The following OOSP3 variants were observed in gnomAD, a reference collection of about 807,000 sequenced individuals.
The protein encoded by OOSP3 is oocyte-secreted protein 3.
In OOSP3 at chr11:59,881,624, A is replaced by G. The variant is rs143964859; in HGVS notation, c.252+1185A>G. On this transcript the variant is annotated intron_variant, in intron 2 of 4. Coordinates refer to ENST00000646438, the Ensembl canonical transcript of OOSP3. ...GCAGTGGTTTTACAATATGACAAAA[A>G]TAGTATATTTTGGGAGGCCGAGGCA... 9.9e-5 allele frequency among the ~76,000 whole-genome samples: 15 copies of G among 152,220 alleles called. No homozygotes were observed. The East Asian group carries it at 2.9e-3, about 29-fold the overall frequency.
chr11:59,886,214 G>T (rs1419668659), intron 2 of OOSP3, among the ~76,000 whole-genome samples: 1 of 152,160 alleles, frequency 6.6e-6, no homozygotes, highest in African/African-American at 2.4e-5. Flanking sequence ...TCCCTGCAAA[G>T]GACATGATCT....
intron 2 of OOSP3, among the ~76,000 whole-genome samples, chr11:59,892,485 G>A (rs1033995448): frequency 3.3e-5 from 5 of 152,048 alleles, no homozygotes; most frequent in Admixed American, 2.6e-4. Context: ...CGTCTCCTCT[G>A]CTCCACTTCT....
chr11:59,878,894 T>G lies in OOSP3; in HGVS notation c.73+13T>G, dbSNP rs1194307946. 3 of 398,404 alleles carry G rather than the reference T, an allele frequency of 7.5e-6. No homozygotes were observed. The highest frequency in any genetic ancestry group is 6.2e-5 in the African/African-American group (3 of 48,614). The allele number at this position is 398,404 out of a possible 1,614,324, so 24.7% of individuals were successfully genotyped here. ...GAGCAAGAGTCAGGTACAAGTGACC[T>G]TTATATTTTGTTGTTTGAAGTCATA... On this transcript the variant is annotated intron_variant, in intron 1 of 4. Coordinates refer to ENST00000646438, the Ensembl canonical transcript of OOSP3.
chr11:59,883,360 AACAGCCCATTTGGAC>A (rs1471116484), intron 2 of OOSP3, among the ~76,000 whole-genome samples: 59 of 152,346 alleles, frequency 3.9e-4, no homozygotes, highest in African/African-American at 1.4e-3. Context: ...GATTTTATTA[AACAGCCCATTTGGAC>A]ACCTGTTCAT....
exon 5 of OOSP3, chr11:59,896,282 A>G (rs564475360): frequency 2.5e-6 from 1 of 397,540 alleles, no homozygotes; most frequent in South Asian, 1.3e-4. Flanking sequence ...TGAACCACTC[A>G]CTACAGATTT....
At chr11:59,889,892 T>G (rs1482312740) in intron 2 of OOSP3, among the ~76,000 whole-genome samples, 1 of 152,214 alleles carries the variant, frequency 6.6e-6, no homozygotes, top group Non-Finnish European at 1.5e-5. Flanking sequence ...TATTAAAGTC[T>G]CCCACTATTG....
intron 2 of OOSP3, among the ~76,000 whole-genome samples, chr11:59,886,470 G>C (rs774479805): frequency 6.6e-6 from 1 of 152,326 alleles, no homozygotes; most frequent in Non-Finnish European, 1.5e-5. Flanking sequence ...ATTCTTTTGA[G>C]TATATACCCA....
chr11:59,893,323 A>G (rs1853328525), intron 2 of OOSP3, among the ~76,000 whole-genome samples: 1 of 152,230 alleles, frequency 6.6e-6, no homozygotes, highest in Non-Finnish European at 1.5e-5. Flanking sequence ...TTATTCCTGT[A>G]TTAAGATTAT....
chr11:59,895,879 A>G (rs909539413), intron 4 of OOSP3, among the ~76,000 whole-genome samples: 2 of 152,190 alleles, frequency 1.3e-5, no homozygotes, highest in Non-Finnish European at 2.9e-5. Flanking sequence ...CCTTTACCCT[A>G]GTTATGACAA....
intron 2 of OOSP3, among the ~76,000 whole-genome samples, chr11:59,887,715 T>A (rs1853275988): frequency 6.6e-6 from 1 of 152,250 alleles, no homozygotes; most frequent in East Asian, 1.9e-4. Flanking sequence ...CAGTATAGTT[T>A]GAGGTTTTGT....
intron 2 of OOSP3, among the ~76,000 whole-genome samples, chr11:59,883,858 C>T (rs1853224992): frequency 6.6e-6 from 1 of 152,158 alleles, no homozygotes; most frequent in African/African-American, 2.4e-5. Context: ...CTGTCAGTCT[C>T]TTGCTGGACA....
At chr11:59,892,118 G>T (rs1197106792) in intron 2 of OOSP3, among the ~76,000 whole-genome samples, 1 of 152,218 alleles carries the variant, frequency 6.6e-6, no homozygotes, top group African/African-American at 2.4e-5. Context: ...CAGCTGTCAT[G>T]AGTCTGCAAA....
At chr11:59,886,098 T>C (rs1853254573) in intron 2 of OOSP3, among the ~76,000 whole-genome samples, 1 of 152,116 alleles carries the variant, frequency 6.6e-6, no homozygotes, top group Non-Finnish European at 1.5e-5. Flanking sequence ...TCTGTGTCCA[T>C]GTGTTTTCAT....
At chr11:59,884,465 CTGTCTG>C (rs1438998187) in intron 2 of OOSP3, among the ~76,000 whole-genome samples, 56 of 117,504 alleles carry the variant, frequency 4.8e-4, no homozygotes, top group African/African-American at 2.1e-3. Context: ...GTCTGTCTGT[CTGTCTG>C]TCTGTCTCTC....
At chr11:59,892,638 A>G (rs1479332578) in intron 2 of OOSP3, among the ~76,000 whole-genome samples, 2 of 151,972 alleles carry the variant, frequency 1.3e-5, no homozygotes, top group African/African-American at 2.4e-5. Context: ...CTTATTATAT[A>G]TAGGTCTATT....
intron 2 of OOSP3, among the ~76,000 whole-genome samples, chr11:59,888,017 T>G (rs1419304021): frequency 6.6e-6 from 1 of 152,168 alleles, no homozygotes; most frequent in African/African-American, 2.4e-5. Context: ...AGTCCTTCAC[T>G]TCCCTTGTTA....
chr11:59,885,784 C>A (rs1013921203), intron 2 of OOSP3, among the ~76,000 whole-genome samples: 2 of 151,960 alleles, frequency 1.3e-5, no homozygotes, highest in African/African-American at 4.8e-5. Flanking sequence ...TCTATAGTTT[C>A]TTTTTGTGAT....
chr11:59,888,131 T>C (rs1853279158), intron 2 of OOSP3, among the ~76,000 whole-genome samples: 1 of 152,342 alleles, frequency 6.6e-6, no homozygotes, highest in Non-Finnish European at 1.5e-5. Context: ...GGAATGCTTG[T>C]GATTTTTGCA....
chr11:59,881,525 T>C (rs1327607623), intron 2 of OOSP3, among the ~76,000 whole-genome samples: 2 of 152,150 alleles, frequency 1.3e-5, no homozygotes, highest in African/African-American at 2.4e-5. Context: ...AGCGAGAGTT[T>C]TCTGACAGCA....
Sources: allele counts gnomAD v4.1 joint callset (sites outside exome capture counted in the v4.1 genomes callset), GRCh38; gene constraint gnomAD v4.1.1; transcripts MANE v1.5; gene names NCBI Gene and HGNC (gene_info 2026-07-23, HGNC 2026-07-21).